The following SUCLG2 variants were observed in gnomAD, a reference collection of about 807,000 sequenced individuals.
The protein encoded by SUCLG2 is succinate--CoA ligase [GDP-forming] subunit beta, mitochondrial.
In SUCLG2, 42 loss-of-function variants were observed where a neutral mutation model predicts 47.9. The ratio of observed to expected loss-of-function variants is 0.88; its 90% CI spans 0.69 to 1.14. The LOEUF (loss-of-function observed/expected upper bound fraction) is 1.14, where lower values mean the gene tolerates loss of function less well. Ranked by LOEUF, SUCLG2 falls within the 50% of genes most tolerant of loss-of-function variation. The probability of loss-of-function intolerance (pLI) is 0.00; values close to 1 mark genes in which losing one functional copy is unlikely to be tolerated. For missense variants in SUCLG2, 571 were observed against 525.9 expected (o/e 1.09, Z -0.84); for synonymous variants, 195 against 197.3 (o/e 0.99, Z 0.10).
chr3:67,537,217 C>A (rs1706568930), intron 2 of SUCLG2, among the ~76,000 whole-genome samples: 1 of 152,052 alleles, frequency 6.6e-6, no homozygotes, highest in Admixed American at 6.6e-5. Context: ...CAGACCCTCC[C>A]CTACCCCCAA....
At chr3:67,509,495 G>A (rs2107100037) in intron 6 of SUCLG2, among the ~76,000 whole-genome samples, 1 of 152,302 alleles carries the variant, frequency 6.6e-6, no homozygotes, top group South Asian at 2.1e-4. Context: ...GAATATCCAA[G>A]GTTGCCCTGT....
At chr3:67,402,810 G>T (rs1007314466) in intron 9 of SUCLG2, among the ~76,000 whole-genome samples, 4 of 152,172 alleles carry the variant, frequency 2.6e-5, no homozygotes, top group African/African-American at 9.7e-5. Flanking sequence ...CAACTTCTCA[G>T]GGAATTCTCA....
chr3:67,471,561 T>A (rs1034579267), intron 9 of SUCLG2, among the ~76,000 whole-genome samples: 1 of 152,030 alleles, frequency 6.6e-6, no homozygotes, highest in Admixed American at 6.6e-5. Context: ...GACAGAGAAC[T>A]CTCCAGAAAC....
chr3:67,651,636 G>A (rs953345986), intron 1 of SUCLG2, among the ~76,000 whole-genome samples: 1 of 152,140 alleles, frequency 6.6e-6, no homozygotes, highest in Non-Finnish European at 1.5e-5. Flanking sequence ...GAGCACCAGG[G>A]GGCCTCTGGG....
chr3:67,397,716 A>C (rs540546664), intron 10 of SUCLG2, among the ~76,000 whole-genome samples: 60 of 152,298 alleles, frequency 3.9e-4, no homozygotes, highest in African/African-American at 1.3e-3. Flanking sequence ...TGCCAAGTTA[A>C]CCCTAAGTAA....
intron 1 of SUCLG2, among the ~76,000 whole-genome samples, chr3:67,650,940 G>C (rs1335712263): frequency 6.6e-6 from 1 of 152,142 alleles, no homozygotes; most frequent in East Asian, 1.9e-4. Context: ...TTGACTGGCA[G>C]TATGTACTCA....
chr3:67,398,547 A>T (rs1702605795), intron 10 of SUCLG2, among the ~76,000 whole-genome samples: 1 of 151,910 alleles, frequency 6.6e-6, no homozygotes, highest in Non-Finnish European at 1.5e-5. Context: ...ATGTGGAGAA[A>T]TAGGAACACT....
intron 2 of SUCLG2, among the ~76,000 whole-genome samples, chr3:67,601,926 G>C (rs1355897827): frequency 6.6e-6 from 1 of 152,004 alleles, no homozygotes; most frequent in Non-Finnish European, 1.5e-5. Flanking sequence ...AGATTGCAGT[G>C]AGCTAAGATC....
intron 1 of SUCLG2, among the ~76,000 whole-genome samples, chr3:67,627,613 G>C (rs1462808727): frequency 6.6e-6 from 1 of 152,212 alleles, no homozygotes; most frequent in Non-Finnish European, 1.5e-5. Flanking sequence ...TCGCCATCTG[G>C]CTTCCTATTA....
intron 1 of SUCLG2, among the ~76,000 whole-genome samples, chr3:67,648,174 A>C (rs2107382349): frequency 6.6e-6 from 1 of 152,290 alleles, no homozygotes; most frequent in East Asian, 1.9e-4. Flanking sequence ...AGGTTCAATA[A>C]TTTGCTCCAG....
Position 67,434,005 on chromosome 3 carries a change from G to A in SUCLG2, c.1063-33154C>T, listed in dbSNP as rs1271954291. 2.0e-5 allele frequency among the ~76,000 whole-genome samples: 3 copies of A among 152,220 alleles called. No homozygotes were observed. The South Asian group carries it at 6.2e-4, about 32-fold the overall frequency. On this transcript the variant is annotated intron_variant, in intron 9 of 10. Coordinates refer to ENST00000307227, the MANE Select transcript of SUCLG2 (RefSeq NM_003848.4). ...TGAGCCATGAGGGCAAATCCAAGAG[G>A]CCACCACACATACACTAGAGGTTGA...
chr3:67,508,940 C>T, intron 6 of SUCLG2, 37 bp from the exon 7 acceptor site: 1 of 1,462,376 alleles, frequency 6.8e-7, no homozygotes, highest in Non-Finnish European at 9.3e-7. Flanking sequence ...TACACCAAAG[C>T]AGTAAAAGAA....
At chr3:67,620,584 C>CAAAAAAAAAAAAAAAAAAAAAA (rs71109890) in intron 1 of SUCLG2, among the ~76,000 whole-genome samples, 1 of 63,510 alleles carries the variant, frequency 1.6e-5, no homozygotes, top group African/African-American at 6.1e-5. Context: ...GACTCCATCT[C>CAAAAAAAAAAAAAAAAAAAAAA]AAAAAAAAAA....
chr3:67,512,566 C>T (rs5028414), intron 6 of SUCLG2, among the ~76,000 whole-genome samples: 12,850 of 149,248 alleles, frequency 0.086, 1,000 homozygotes, highest in East Asian at 0.18. Flanking sequence ...TCTGGGTACA[C>T]ATATATATAT....
chr3:67,595,935 A>T (rs1001754938), intron 2 of SUCLG2, among the ~76,000 whole-genome samples: 2 of 152,250 alleles, frequency 1.3e-5, no homozygotes, highest in African/African-American at 4.8e-5. Context: ...GCATAAAGGT[A>T]AAACAAGATG....
At chr3:67,555,520 G>A (rs915611206) in intron 2 of SUCLG2, among the ~76,000 whole-genome samples, 1 of 152,064 alleles carries the variant, frequency 6.6e-6, no homozygotes, top group Non-Finnish European at 1.5e-5. Flanking sequence ...AAACAACCAG[G>A]GTTTCTTAGA....
At chr3:67,521,130 A>G (rs1706091586) in intron 4 of SUCLG2, among the ~76,000 whole-genome samples, 1 of 152,190 alleles carries the variant, frequency 6.6e-6, no homozygotes, top group Non-Finnish European at 1.5e-5. Flanking sequence ...TTCATTTTAT[A>G]CTTCCTTTTA....
chr3:67,504,524 A>G lies in SUCLG2; in HGVS notation c.757+4283T>C, dbSNP rs188460748. ...TCCTTTGGCCCAGTGAATGGATTTC[A>G]GCTTCCAACTGATGAAGATGCCCCA... On this transcript the variant is annotated intron_variant, in intron 7 of 10. Coordinates refer to ENST00000307227, the MANE Select transcript of SUCLG2 (RefSeq NM_003848.4). Among the ~76,000 whole-genome samples the G allele has an allele frequency of 4.1e-4, 62 of 152,352 alleles. No homozygotes were observed. The East Asian group carries it at 0.011, about 27-fold the overall frequency.
At chr3:67,440,408 T>C (rs943573586) in intron 9 of SUCLG2, among the ~76,000 whole-genome samples, 1 of 152,122 alleles carries the variant, frequency 6.6e-6, no homozygotes, top group African/African-American at 2.4e-5. Flanking sequence ...AAGAGCTTTC[T>C]GCACAGAAAA....
Sources: allele counts gnomAD v4.1 joint callset (sites outside exome capture counted in the v4.1 genomes callset), GRCh38; gene constraint gnomAD v4.1.1; transcripts MANE v1.5; gene names NCBI Gene and HGNC (gene_info 2026-07-23, HGNC 2026-07-21).